The following TMEM87A variants were observed in gnomAD, a reference collection of about 807,000 sequenced individuals.
TMEM87A encodes the protein transmembrane protein 87A.
Under a neutral mutation model 90.0 loss-of-function variants are expected in TMEM87A, and 50 were observed. That is an observed-to-expected ratio of 0.56 (90% confidence interval 0.44 to 0.70). The LOEUF (loss-of-function observed/expected upper bound fraction) is 0.70, where lower values mean the gene tolerates loss of function less well. Ranked by LOEUF, TMEM87A falls within the 30% of genes least tolerant of loss-of-function variation. The probability of loss-of-function intolerance (pLI) is 0.00; values close to 1 mark genes in which losing one functional copy is unlikely to be tolerated. For synonymous variants in TMEM87A, 226 were observed against 226.7 expected (o/e 1.00, Z 0.03); for missense variants, 577 against 660.5 (o/e 0.87, Z 1.39).
At chr15:42,264,675 A>ATG (rs201614664) in intron 3 of TMEM87A, among the ~76,000 whole-genome samples, 2,581 of 88,098 alleles carry the variant, frequency 0.029, 62 homozygotes, top group African/African-American at 0.065. Context: ...AACTATATAT[A>ATG]TGTGTGTGTA....
In TMEM87A at chr15:42,220,105, C is replaced by T; in HGVS notation, c.1434G>A (p.Glu478=). 1 of 1,608,690 alleles carries T rather than the reference C, an allele frequency of 6.2e-7. No homozygotes were observed. The highest frequency in any genetic ancestry group is 8.5e-7 in the Non-Finnish European group (1 of 1,178,426). ...TAGGCTCCTTTTGTTCATCCTCCTC[C>T]TCTTCCTCAGACAATGGTGAAAAGG... ...RFAFSPLSEE[E]EEDEQKEPML... The change falls in exon 16 of 20, where the codon GAG becomes GAA. Residue 478 remains glutamate, a synonymous_variant. Coordinates refer to ENST00000389834, the MANE Select transcript of TMEM87A (RefSeq NM_015497.5).
chr15:42,233,205 G>A lies in TMEM87A; in HGVS notation c.1062+8C>T, dbSNP rs2050715497. The A allele has an allele frequency of 6.2e-7, 1 of 1,607,616 alleles. No individual in the cohort carries two copies. The highest frequency in any genetic ancestry group is 8.5e-7 in the Non-Finnish European group (1 of 1,174,226). ...TGACCACAGAAAATGAGATTAAGCAGTACTAACCCCAGTAACTCTGAGGAC... is the reference window on the plus strand; with the variant it reads ...TGACCACAGAAAATGAGATTAAGCAATACTAACCCCAGTAACTCTGAGGAC... On this transcript the variant is annotated splice_region_variant and intron_variant, in intron 11 of 19. Transcript: ENST00000389834.
intron 3 of TMEM87A, among the ~76,000 whole-genome samples, chr15:42,264,520 TAAC>T (rs898594260): frequency 6.6e-6 from 1 of 151,446 alleles, no homozygotes; most frequent in African/African-American, 2.4e-5. Context: ...TTGACCAAAT[TAAC>T]AACATCAACA....
chr15:42,241,963 A>G (rs946971807), intron 7 of TMEM87A, among the ~76,000 whole-genome samples: 1 of 151,752 alleles, frequency 6.6e-6, no homozygotes, highest in South Asian at 2.1e-4. Flanking sequence ...GCTACTTGGG[A>G]GGCTGAGGCA....
At chr15:42,233,917 C>T (rs1264833414) in intron 10 of TMEM87A, among the ~76,000 whole-genome samples, 2 of 151,302 alleles carry the variant, frequency 1.3e-5, no homozygotes, top group East Asian at 1.9e-4. Context: ...ACTACAGGCA[C>T]GTCCCACTAC....
intron 6 of TMEM87A, among the ~76,000 whole-genome samples, chr15:42,251,767 T>C (rs552278901): frequency 1.6e-4 from 24 of 152,316 alleles, no homozygotes; most frequent in East Asian, 1.5e-3. Context: ...GGGAGAACGA[T>C]TGCTCTCTTC....
chr15:42,258,530 G>A (rs561173045), intron 6 of TMEM87A: 103 of 348,520 alleles, frequency 3.0e-4, no homozygotes, highest in African/African-American at 1.6e-3. Flanking sequence ...AAGTTCACGC[G>A]ATTCTCCTGC....
chr15:42,261,010 C>A lies in TMEM87A; in HGVS notation c.460-8G>T. On this transcript the variant is annotated splice_polypyrimidine_tract_variant and splice_region_variant and intron_variant, in intron 5 of 19. Transcript: ENST00000389834. ...TGTTCCATTCTCCTTAGCCTTTAAA[C>A]ATTAAAAAAATAATAATAATTAATT... The A allele has an allele frequency of 6.8e-7, 1 of 1,461,460 alleles. No individual in the cohort carries two copies. Among genetic ancestry groups the A allele is most frequent in the Admixed American group, 2.4e-5 (1 of 42,452 alleles). The allele number at this position is 1,461,460 out of a possible 1,614,324, so 90.5% of individuals were successfully genotyped here. A position where few individuals can be genotyped will look rare whatever the true frequency, so the allele number is the denominator to read the frequency against.
At chr15:42,220,439 T>C (rs1209855499) in intron 15 of TMEM87A, among the ~76,000 whole-genome samples, 2 of 152,228 alleles carry the variant, frequency 1.3e-5, no homozygotes, top group African/African-American at 4.8e-5. Flanking sequence ...AGAACATTAC[T>C]CATAGGGGTG....
chr15:42,271,982 A>G, intron 2 of TMEM87A, 81 bp downstream of exon 2: 1 of 1,159,872 alleles, frequency 8.6e-7, no homozygotes, highest in Non-Finnish European at 1.2e-6. Flanking sequence ...AGATTTCAGA[A>G]CTTATAAAAT....
chr15:42,267,482 T>C (rs2051428699), intron 3 of TMEM87A, among the ~76,000 whole-genome samples: 1 of 152,202 alleles, frequency 6.6e-6, no homozygotes, highest in African/African-American at 2.4e-5. Context: ...TTTCTACATG[T>C]ACTTAAGCCA....
rs371429038 is a variant in TMEM87A, at chr15:42,236,302, C to T, written c.968+18G>A. The T allele has an allele frequency of 5.6e-6, 9 of 1,602,956 alleles. No individual in the cohort carries two copies. The highest frequency in any genetic ancestry group is 7.7e-6 in the Non-Finnish European group (9 of 1,169,936). On this transcript the variant is annotated intron_variant, in intron 10 of 19. Transcript: ENST00000389834. ...CAGCATTTTAATTTGCTCTTCCATA[C>T]AGGAAGTTAATACTTACTTGACGAT...
At chr15:42,262,650 C>T (rs1209291292) in intron 4 of TMEM87A, among the ~76,000 whole-genome samples, 1 of 152,094 alleles carries the variant, frequency 6.6e-6, no homozygotes, top group African/African-American at 2.4e-5. Flanking sequence ...CTCCTGACCT[C>T]AGGTGATCCG....
intron 6 of TMEM87A, among the ~76,000 whole-genome samples, chr15:42,246,435 T>C (rs2050973612): frequency 6.6e-6 from 1 of 152,152 alleles, no homozygotes; most frequent in African/African-American, 2.4e-5. Context: ...CCTAATGCTA[T>C]CCCTCACCCA....
At chr15:42,266,460 G>A (rs1327198647) in intron 3 of TMEM87A, among the ~76,000 whole-genome samples, 1 of 150,890 alleles carries the variant, frequency 6.6e-6, no homozygotes, top group African/African-American at 2.4e-5. Flanking sequence ...AGGTTGTGGT[G>A]AGCTGAGATC....
At chr15:42,270,230 C>T (rs1403868899) in intron 2 of TMEM87A, among the ~76,000 whole-genome samples, 4 of 151,738 alleles carry the variant, frequency 2.6e-5, no homozygotes, top group East Asian at 1.9e-4. Context: ...AATTAGCCGG[C>T]GTGGTGGCAC....
chr15:42,261,647 T>TTC (rs966107824), intron 4 of TMEM87A, among the ~76,000 whole-genome samples: 2 of 151,020 alleles, frequency 1.3e-5, no homozygotes, highest in African/African-American at 4.9e-5. Flanking sequence ...CTTTTTTTTT[T>TTC]TTTTGAGACG....
At chr15:42,218,474 T>C (rs2140913349) in intron 17 of TMEM87A, 96 bp from the exon 18 acceptor site, 3 of 1,183,836 alleles carry the variant, frequency 2.5e-6, no homozygotes, top group African/African-American at 1.5e-5. Flanking sequence ...TTCATAATTC[T>C]GTAGTCATAC....
chr15:42,227,632 G>A (rs2050619313), intron 14 of TMEM87A, 79 bp downstream of exon 14: 1 of 1,349,042 alleles, frequency 7.4e-7, no homozygotes, highest in Non-Finnish European at 1.1e-6. Context: ...ATATAACTTA[G>A]AAGAACCTTA....
Sources: allele counts gnomAD v4.1 joint callset (sites outside exome capture counted in the v4.1 genomes callset), GRCh38; gene constraint gnomAD v4.1.1; transcripts MANE v1.5; gene names NCBI Gene and HGNC (gene_info 2026-07-23, HGNC 2026-07-21).